Variants in KIAA0825 observed in about 807,000 individuals in gnomAD.
KIAA0825 encodes the protein uncharacterized protein KIAA0825.
Under a neutral mutation model 147.6 loss-of-function variants are expected in KIAA0825, and 119 were observed. That is an observed-to-expected ratio of 0.81 (90% CI 0.69 to 0.94). The LOEUF is 0.94. Ranked by LOEUF, KIAA0825 falls within the 40% of genes least tolerant of loss-of-function variation. The probability of loss-of-function intolerance (pLI) is 0.00; values close to 1 mark genes in which losing one functional copy is unlikely to be tolerated. For missense variants in KIAA0825, 1,381 were observed against 1,472.7 expected, an observed-to-expected ratio of 0.94 and a Z score of 1.02; for synonymous variants, 470 against 518.1, an observed-to-expected ratio of 0.91 and a Z score of 1.26.
chr5:94,372,749 A>G (rs59795620), intron 20 of KIAA0825, among the ~76,000 whole-genome samples: 3,775 of 152,318 alleles, frequency 0.025, 166 homozygotes, highest in African/African-American at 0.086. Context: ...GGTGATTAAC[A>G]TTCAGCTCCT....
chr5:94,535,379 G>A (rs1324882620), intron 3 of KIAA0825, among the ~76,000 whole-genome samples: 7 of 151,390 alleles, frequency 4.6e-5, no homozygotes, highest in Admixed American at 2.0e-4. Flanking sequence ...GTGTGGCGGC[G>A]GGCACCTGTA....
intron 13 of KIAA0825, among the ~76,000 whole-genome samples, chr5:94,443,222 T>G (rs575268988): frequency 1.1e-4 from 17 of 151,998 alleles, no homozygotes; most frequent in Non-Finnish European, 1.9e-4. Flanking sequence ...GAGTAATAAA[T>G]GCATTGAGGA....
At chr5:94,565,283 C>A (rs1471750558) in intron 2 of KIAA0825, among the ~76,000 whole-genome samples, 1 of 150,682 alleles carries the variant, frequency 6.6e-6, no homozygotes, top group African/African-American at 2.4e-5. Flanking sequence ...CTATCTGCTG[C>A]CAGAATGATC....
At chr5:94,327,220 G>T (rs184931328) in intron 20 of KIAA0825, among the ~76,000 whole-genome samples, 2 of 152,114 alleles carry the variant, frequency 1.3e-5, no homozygotes, top group East Asian at 3.9e-4. Context: ...GAATGGCAGG[G>T]TGCATGTTTC....
In KIAA0825 at chr5:94,234,522, T is replaced by C. The variant is rs905074831; in HGVS notation, c.3711-80398A>G. On this transcript the variant is annotated intron_variant, in intron 20 of 20. Coordinates refer to ENST00000682413, the MANE Select transcript of KIAA0825 (RefSeq NM_001145678.3). ...AGACTGGATAATTTATAAAGAAAAGTGGTTTAATTGGCTCATGGTGCTGCA... is the reference window on the plus strand; with the variant it reads ...AGACTGGATAATTTATAAAGAAAAGCGGTTTAATTGGCTCATGGTGCTGCA... Among the ~76,000 whole-genome samples the C allele has an allele frequency of 2.0e-5, 3 of 152,224 alleles. No individual in the cohort carries two copies. The East Asian group carries it at 5.8e-4, about 29-fold the overall frequency.
At chr5:94,250,562 CT>C (rs1775896932) in intron 20 of KIAA0825, among the ~76,000 whole-genome samples, 1 of 152,102 alleles carries the variant, frequency 6.6e-6, no homozygotes, top group East Asian at 1.9e-4. Flanking sequence ...ATGAAATAAC[CT>C]TGGTTGAATT....
chr5:94,473,772 T>C (rs1203568686), intron 7 of KIAA0825, among the ~76,000 whole-genome samples: 1 of 152,302 alleles, frequency 6.6e-6, no homozygotes, highest in East Asian at 1.9e-4. Context: ...TAAAAAACTT[T>C]TTAAAAAATT....
In KIAA0825 at chr5:94,592,776, A is replaced by C; in HGVS notation, c.-152-10193T>G. On this transcript the variant is annotated intron_variant, in intron 1 of 20. Coordinates refer to ENST00000682413, the MANE Select transcript of KIAA0825 (RefSeq NM_001145678.3). ...AGAAAATTTGTGATGTAAATCAAAA[A>C]ACATCTGTTTGCCTAGACTCATTGG... is the stretch of plus-strand genomic sequence containing the variant. The C allele has an allele frequency of 1.6e-5, 6 of 371,086 alleles. 1 individual carries two copies. The South Asian group carries it at 1.9e-4, about 12-fold the overall frequency. The allele number at this position is 371,086 out of a possible 1,614,324, so 23.0% of individuals were successfully genotyped here.
In KIAA0825 at chr5:94,510,702, A is replaced by G. The variant is rs137880226; in HGVS notation, c.970+9546T>C. 6.5e-3 allele frequency among the ~76,000 whole-genome samples: 991 copies of G among 152,334 alleles called. 12 individuals carry two copies. Among genetic ancestry groups the G allele is most frequent in the African/African-American group, 0.023 (957 of 41,576 alleles). On this transcript the variant is annotated intron_variant, in intron 5 of 20. Transcript: ENST00000682413. ...TTTTAAAAATGATAGAAGCAAAATAATTTCTGACTAGAAATCCATAATAAC... is the reference window on the plus strand; with the variant it reads ...TTTTAAAAATGATAGAAGCAAAATAGTTTCTGACTAGAAATCCATAATAAC...
intron 5 of KIAA0825, among the ~76,000 whole-genome samples, chr5:94,487,034 C>A (rs868460469): frequency 1.8e-4 from 28 of 152,034 alleles, no homozygotes; most frequent in African/African-American, 6.8e-4. Context: ...AAAGAAACAC[C>A]GCATGAAGAA....
chr5:94,614,755 T>C (rs572864740), intron 1 of KIAA0825, among the ~76,000 whole-genome samples: 4 of 152,336 alleles, frequency 2.6e-5, no homozygotes, highest in East Asian at 3.9e-4. Context: ...TGTTCAATGA[T>C]GTATGTAAAT....
intron 13 of KIAA0825, 146 bp downstream of exon 13, chr5:94,452,813 A>T: frequency 4.2e-6 from 2 of 480,302 alleles, no homozygotes; most frequent in Non-Finnish European, 7.4e-6. Flanking sequence ...AAGAGAAATA[A>T]TACTCTTTAC....
At chr5:94,173,445 C>G (rs1768815410) in intron 20 of KIAA0825, among the ~76,000 whole-genome samples, 1 of 149,736 alleles carries the variant, frequency 6.7e-6, no homozygotes, top group Non-Finnish European at 1.5e-5. Flanking sequence ...GAGGGACCCT[C>G]AGCTAACATG....
At chr5:94,301,858 A>C (rs1244399394) in intron 20 of KIAA0825, among the ~76,000 whole-genome samples, 1 of 152,172 alleles carries the variant, frequency 6.6e-6, no homozygotes, top group Non-Finnish European at 1.5e-5. Flanking sequence ...CTAACATAAA[A>C]CAGGTTTTGA....
At chr5:94,513,280 CA>C (rs1424290231) in intron 5 of KIAA0825, among the ~76,000 whole-genome samples, 1 of 151,976 alleles carries the variant, frequency 6.6e-6, no homozygotes, top group African/African-American at 2.4e-5. Flanking sequence ...TTTTCAGTAT[CA>C]AAAAATGTTA....
At chr5:94,398,402 C>A (rs1750950725) in intron 16 of KIAA0825, among the ~76,000 whole-genome samples, 1 of 151,922 alleles carries the variant, frequency 6.6e-6, no homozygotes, top group Admixed American at 6.6e-5. Context: ...CCTTTAAGAC[C>A]TTTAACATGC....
intron 5 of KIAA0825, among the ~76,000 whole-genome samples, chr5:94,513,248 G>T (rs1766759782): frequency 6.6e-6 from 1 of 151,952 alleles, no homozygotes; most frequent in African/African-American, 2.4e-5. Flanking sequence ...TAAAACCTCA[G>T]CATTTTAATC....
chr5:94,503,964 C>T (rs1434026385), intron 5 of KIAA0825, among the ~76,000 whole-genome samples: 2 of 152,144 alleles, frequency 1.3e-5, no homozygotes, highest in African/African-American at 4.8e-5. Flanking sequence ...CCTATGACTC[C>T]AGCCTGTGTA....
chr5:94,395,125 G>A (rs1295059915), intron 17 of KIAA0825, among the ~76,000 whole-genome samples: 1 of 152,146 alleles, frequency 6.6e-6, no homozygotes, highest in African/African-American at 2.4e-5. Context: ...TTCTGTCAGT[G>A]TGGTATCATC....
Sources: gnomAD v4.1 joint callset for allele counts (sites outside exome capture counted in the v4.1 genomes callset) on GRCh38, gnomAD v4.1.1 for gene constraint, MANE v1.5 for transcripts, NCBI Gene and HGNC (gene_info 2026-07-23, HGNC 2026-07-21) for gene names.